FAP: variants seen among roughly 807,000 people sequenced by gnomAD.
The protein encoded by FAP is fibroblast activation protein alpha, also known as prolyl endopeptidase FAP.
In FAP, 110 loss-of-function variants were observed where a neutral mutation model predicts 126.5. The observed-to-expected ratio is 0.87, with a 90% CI of 0.74 to 1.02. FAP has a LOEUF of 1.02. Ranked by LOEUF, FAP falls within the 50% of genes least tolerant of loss-of-function variation. FAP has a pLI of 0.00. For missense variants in FAP, 919 were observed against 909.2 expected (o/e 1.01, Z -0.14); for synonymous variants, 334 against 297.3 (o/e 1.12, Z -1.27).
At chr2:162,226,499 C>T (rs767327498) in intron 3 of FAP, 24 bp downstream of exon 3, 2 of 1,275,414 alleles carry the variant, frequency 1.6e-6, no homozygotes, top group Admixed American at 2.1e-5. Context: ...AAAAAAAACC[C>T]CTAAAGATAA....
chr2:162,242,522 A>G (rs184963013), intron 2 of FAP, among the ~76,000 whole-genome samples: 13 of 152,312 alleles, frequency 8.5e-5, no homozygotes, highest in Admixed American at 2.6e-4. Flanking sequence ...ATTCTGTTTT[A>G]ACTTTTCCAT....
chr2:162,233,676 C>A (rs1232522630), intron 2 of FAP, among the ~76,000 whole-genome samples: 4 of 151,942 alleles, frequency 2.6e-5, no homozygotes, highest in Non-Finnish European at 5.9e-5. Flanking sequence ...GTAGTCTTTT[C>A]ACTCTTTAAA....
intron 21 of FAP, among the ~76,000 whole-genome samples, chr2:162,178,839 G>C (rs1046375364): frequency 3.3e-5 from 5 of 152,066 alleles, no homozygotes; most frequent in African/African-American, 1.2e-4. Flanking sequence ...AATACAAAAC[G>C]CAATAAGAGC....
At chr2:162,224,636 C>A in intron 4 of FAP, 96 bp from the exon 5 acceptor site, 1 of 650,838 alleles carries the variant, frequency 1.5e-6, no homozygotes, top group Non-Finnish European at 2.6e-6. Flanking sequence ...TCAACATACT[C>A]CTACATGCAT....
chr2:162,214,119 C>A, intron 10 of FAP, 46 bp from the exon 11 acceptor site: 1 of 1,592,938 alleles, frequency 6.3e-7, no homozygotes, highest in South Asian at 1.1e-5. Context: ...AAACCAGTTT[C>A]ACACACAAAT....
intron 18 of FAP, 105 bp from the exon 19 acceptor site, chr2:162,189,277 A>AGT: frequency 1.7e-6 from 1 of 590,190 alleles, no homozygotes; most frequent in Non-Finnish European, 2.9e-6. Context: ...TTCAACTACT[A>AGT]AATTGTTAAG....
intron 24 of FAP, 24 bp downstream of exon 24, chr2:162,173,125 G>A: frequency 1.3e-6 from 2 of 1,592,364 alleles, no homozygotes; most frequent in South Asian, 1.1e-5. Context: ...ATTTTTATGT[G>A]TAAGAGTCTT....
intron 21 of FAP, among the ~76,000 whole-genome samples, chr2:162,179,806 A>ATT (rs1559761562): frequency 7.2e-6 from 1 of 138,840 alleles, no homozygotes; most frequent in Non-Finnish European, 1.5e-5. Flanking sequence ...ATATATATAT[A>ATT]TATATATTTT....
intron 16 of FAP, 172 bp downstream of exon 16, chr2:162,198,585 A>G: frequency 1.1e-6 from 1 of 919,270 alleles, no homozygotes; most frequent in Non-Finnish European, 1.6e-6. Flanking sequence ...AAAAAAGTAA[A>G]GATAATAATA....
chr2:162,242,313 C>T (rs933854970), intron 2 of FAP, among the ~76,000 whole-genome samples: 18 of 152,142 alleles, frequency 1.2e-4, no homozygotes, highest in Admixed American at 6.5e-5. Context: ...TCAATCTAAG[C>T]CTTTTTTGTA....
At chr2:162,174,798 A>G (rs1687429294) in intron 22 of FAP, 69 bp downstream of exon 22, 2 of 1,081,498 alleles carry the variant, frequency 1.8e-6, no homozygotes, top group South Asian at 1.4e-5. Context: ...CCATTTTTCT[A>G]GCAACATCAG....
chr2:162,171,995 C>A (rs1362756565), intron 25 of FAP: 1 of 152,048 alleles, frequency 6.6e-6, no homozygotes, highest in Admixed American at 6.6e-5. Context: ...ACTGTACTTT[C>A]AAATACTAGA....
chr2:162,214,430 T>C (rs538382097), intron 10 of FAP, among the ~76,000 whole-genome samples: 1 of 152,196 alleles, frequency 6.6e-6, no homozygotes, highest in East Asian at 1.9e-4. Context: ...ACTCAATTTT[T>C]CACCTTATAA....
At chr2:162,230,276 A>G (rs1289106179) in intron 2 of FAP, among the ~76,000 whole-genome samples, 1 of 152,208 alleles carries the variant, frequency 6.6e-6, no homozygotes, top group Non-Finnish European at 1.5e-5. Flanking sequence ...AGAATAAAAC[A>G]TAAAGATTAC....
At chr2:162,178,930 A>T (rs1197445736) in intron 21 of FAP, among the ~76,000 whole-genome samples, 1 of 152,170 alleles carries the variant, frequency 6.6e-6, no homozygotes, top group Non-Finnish European at 1.5e-5. Context: ...ATTATATTGT[A>T]TAAGAGCACA....
At chr2:162,222,752 C>T (rs954374587) in intron 6 of FAP, among the ~76,000 whole-genome samples, 2 of 152,126 alleles carry the variant, frequency 1.3e-5, no homozygotes, top group African/African-American at 4.8e-5. Context: ...AAAGAAAGAT[C>T]TAAACTCATT....
chr2:162,205,131 A>G (rs1285572606), intron 12 of FAP, among the ~76,000 whole-genome samples: 1 of 152,184 alleles, frequency 6.6e-6, no homozygotes, highest in African/African-American at 2.4e-5. Context: ...CTCTCAGAAC[A>G]TCTTCTGGTT....
chr2:162,225,305 A>G (rs1559790570), intron 4 of FAP, among the ~76,000 whole-genome samples, 178 bp downstream of exon 4: 1 of 152,166 alleles, frequency 6.6e-6, no homozygotes, highest in Non-Finnish European at 1.5e-5. Context: ...TTGATTTACA[A>G]GAAGGCAAAG....
chr2:162,228,325 C>G (rs1689746353), intron 2 of FAP, among the ~76,000 whole-genome samples: 1 of 152,108 alleles, frequency 6.6e-6, no homozygotes, highest in Non-Finnish European at 1.5e-5. Flanking sequence ...TCTCTTCCAG[C>G]TATACCATGC....
Sources: allele counts gnomAD v4.1 joint callset (sites outside exome capture counted in the v4.1 genomes callset), GRCh38; gene constraint gnomAD v4.1.1; transcripts MANE v1.5; gene names NCBI Gene and HGNC (gene_info 2026-07-23, HGNC 2026-07-21).